Variants in WDR41 observed in about 807,000 individuals in gnomAD.
WDR41 encodes WD repeat-containing protein 41.
Under a neutral mutation model 69.3 loss-of-function variants are expected in WDR41, and 63 were observed. The ratio of observed to expected loss-of-function variants is 0.91; its 90% CI spans 0.74 to 1.12. The LOEUF (loss-of-function observed/expected upper bound fraction) is 1.12. Among genes scored for constraint, WDR41 ranks in the 50% most tolerant of loss-of-function variants. The probability of loss-of-function intolerance (pLI) is 0.00; values close to 1 mark genes in which losing one functional copy is unlikely to be tolerated. For missense variants in WDR41, 543 were observed against 534.5 expected, an observed-to-expected ratio of 1.02 and a Z score of -0.16; for synonymous variants, 185 against 192.1, an observed-to-expected ratio of 0.96 and a Z score of 0.31.
chr5:77,494,388 C>G (rs2112141447), upstream of WDR41, among the ~76,000 whole-genome samples: 1 of 151,828 alleles, frequency 6.6e-6, no homozygotes, highest in South Asian at 2.1e-4. Context: ...AAACCAAACT[C>G]TAGAATCCAA....
At chr5:77,470,940 C>T (rs527331631) in intron 2 of WDR41, among the ~76,000 whole-genome samples, 1 of 152,298 alleles carries the variant, frequency 6.6e-6, no homozygotes, top group East Asian at 1.9e-4. Flanking sequence ...TAGACATCTA[C>T]AGAACTCTCC....
rs139248689 is a variant in WDR41, at chr5:77,578,192, T to C, written c.42+42287A>G. ...AAGTCGAACCATCACAATTTGGATA[T>C]ATTTGCAGAGCAATACGTACCCCCA... On this transcript the variant is annotated intron_variant, in intron 1 of 5. Coordinates refer to the WDR41 transcript ENST00000509971. Among the ~76,000 whole-genome samples, 327 of 152,306 alleles carry C rather than the reference T, an allele frequency of 2.1e-3. 2 individuals carry two copies. Among genetic ancestry groups the C allele is most frequent in the African/African-American group, 7.7e-3 (318 of 41,564 alleles).
chr5:77,550,500 C>A (rs969232148), intron 1 of WDR41, among the ~76,000 whole-genome samples: 1 of 152,012 alleles, frequency 6.6e-6, no homozygotes, highest in Non-Finnish European at 1.5e-5. Context: ...GGAAAATGCT[C>A]AACAGAGAAA....
intron 1 of WDR41, among the ~76,000 whole-genome samples, chr5:77,577,373 T>C (rs1035003238): frequency 8.4e-5 from 5 of 59,870 alleles, no homozygotes; most frequent in African/African-American, 3.3e-4. Flanking sequence ...ATTTTCAAAA[T>C]AGGAAACAAG....
chr5:77,531,694 T>C (rs542675052), intron 1 of WDR41, among the ~76,000 whole-genome samples: 27 of 152,136 alleles, frequency 1.8e-4, no homozygotes, highest in African/African-American at 6.3e-4. Flanking sequence ...GCAGCATTAT[T>C]CAAAATAGCC....
intron 1 of WDR41, among the ~76,000 whole-genome samples, chr5:77,578,690 C>G (rs112636527): frequency 6.6e-6 from 1 of 151,600 alleles, no homozygotes; most frequent in African/African-American, 2.4e-5. Context: ...ATGGCAAAAC[C>G]CTGTCTCTAC....
At chr5:77,438,182 G>A in intron 10 of WDR41, 58 bp downstream of exon 10, 1 of 1,606,170 alleles carries the variant, frequency 6.2e-7, no homozygotes, top group Non-Finnish European at 8.5e-7. Context: ...AATTACACTG[G>A]TAGCCCTGGG....
intron 8 of WDR41, among the ~76,000 whole-genome samples, chr5:77,449,305 TGA>T (rs1161800782): frequency 6.6e-6 from 1 of 152,226 alleles, no homozygotes; most frequent in African/African-American, 2.4e-5. Context: ...TATTATTCTT[TGA>T]GAGTCTTCAA....
intron 1 of WDR41, among the ~76,000 whole-genome samples, chr5:77,609,573 C>T (rs1744500378): frequency 6.6e-6 from 1 of 152,348 alleles, no homozygotes; most frequent in Admixed American, 6.5e-5. Context: ...CTAGCAAACT[C>T]CAACAGACCT....
chr5:77,442,915 G>GAAAAAAAAAAAAAA (rs1799231024), intron 8 of WDR41, among the ~76,000 whole-genome samples: 5 of 64,788 alleles, frequency 7.7e-5, no homozygotes, highest in African/African-American at 1.9e-4. Flanking sequence ...AAAAAAAAAG[G>GAAAAAAAAAAAAAA]ATTTTTTTCC....
chr5:77,456,594 C>A (rs770896414), intron 5 of WDR41, among the ~76,000 whole-genome samples: 2 of 152,216 alleles, frequency 1.3e-5, no homozygotes, highest in East Asian at 3.8e-4. Flanking sequence ...ACTGCCCTGG[C>A]TAGAACCTCC....
chr5:77,505,742 A>G (rs1802094659), intron 1 of WDR41, among the ~76,000 whole-genome samples: 1 of 152,200 alleles, frequency 6.6e-6, no homozygotes, highest in African/African-American at 2.4e-5. Flanking sequence ...ACACATCTAC[A>G]ACCATCTGAT....
At chr5:77,494,363 C>A (rs184633245), upstream of WDR41, among the ~76,000 whole-genome samples, 49 of 149,368 alleles carry the variant, frequency 3.3e-4, no homozygotes, top group Non-Finnish European at 4.4e-4. Flanking sequence ...AAAGAAAAGG[C>A]AGATTGACAA....
chr5:77,459,042 A>G lies in WDR41; in HGVS notation c.411+20T>C. Reference sequence around the variant, plus strand: ...CAAAAATAGATTGTCATAAAAACTCATATTTACTTAAGATTTTACCTTTAC... The same window carrying G: ...CAAAAATAGATTGTCATAAAAACTCGTATTTACTTAAGATTTTACCTTTAC... On this transcript the variant is annotated intron_variant, in intron 5 of 12. Transcript: ENST00000296679. 4 of 1,546,220 alleles carry G rather than the reference A, an allele frequency of 2.6e-6. No homozygotes were observed. Among genetic ancestry groups the G allele is most frequent in the African/African-American group, 2.7e-5 (2 of 72,816 alleles).
chr5:77,503,747 G>C (rs1262754184), intron 1 of WDR41, among the ~76,000 whole-genome samples: 1 of 152,134 alleles, frequency 6.6e-6, no homozygotes, highest in South Asian at 2.1e-4. Flanking sequence ...CAACTACATG[G>C]AAACTGAACA....
chr5:77,504,619 T>C (rs575566189), intron 1 of WDR41, among the ~76,000 whole-genome samples: 1 of 151,976 alleles, frequency 6.6e-6, no homozygotes, highest in Non-Finnish European at 1.5e-5. Flanking sequence ...GATGCAAAAA[T>C]CCTCAATAAA....
chr5:77,556,631 A>T (rs1743407334), intron 1 of WDR41, among the ~76,000 whole-genome samples: 1 of 152,134 alleles, frequency 6.6e-6, no homozygotes, highest in African/African-American at 2.4e-5. Flanking sequence ...CTGGTTATTC[A>T]TGTGGGGAAA....
At chr5:77,564,311 T>G (rs1406985630) in intron 1 of WDR41, among the ~76,000 whole-genome samples, 1 of 152,172 alleles carries the variant, frequency 6.6e-6, no homozygotes, top group Non-Finnish European at 1.5e-5. Flanking sequence ...CTCAACACTT[T>G]GAGTGGTGGA....
In WDR41 at chr5:77,483,481, C is replaced by CGTGT. The variant is rs35574463; in HGVS notation, c.167+5972_167+5975dup. ...CACCCCTACGAGTTACCTGAATACT[C>CGTGT]GTGTGTGTGTGTGTGTGTGTGTGTG... On this transcript the variant is annotated intron_variant, in intron 2 of 12. Transcript: ENST00000296679. Among the ~76,000 whole-genome samples, 274 of 143,446 alleles carry CGTGT rather than the reference C, an allele frequency of 1.9e-3. 1 individual carries two copies. Among genetic ancestry groups the CGTGT allele is most frequent in the Middle Eastern group, 7.0e-3 (2 of 284 alleles). 94.1% of individuals were successfully genotyped at this position (143,446 alleles called of 152,430 possible).
Sources: allele counts gnomAD v4.1 joint callset (sites outside exome capture counted in the v4.1 genomes callset), GRCh38; gene constraint gnomAD v4.1.1; transcripts MANE v1.5; gene names NCBI Gene and HGNC (gene_info 2026-07-23, HGNC 2026-07-21).